The following COL18A1 variants were observed in gnomAD, a reference collection of about 807,000 sequenced individuals.
COL18A1 encodes the protein collagen type XVIII alpha 1 chain.
A neutral mutation model predicts 168.0 loss-of-function variants in COL18A1; 133 were observed. The ratio of observed to expected loss-of-function variants is 0.79; its 90% CI spans 0.69 to 0.91. COL18A1 has a LOEUF of 0.91. COL18A1 is among the 40% of genes least tolerant of loss of function. COL18A1 has a pLI of 0.00. For synonymous variants in COL18A1, 949 were observed against 809.0 expected, an observed-to-expected ratio of 1.17 and a Z score of -2.94; for missense variants, 2,126 against 1,925.4, an observed-to-expected ratio of 1.10 and a Z score of -1.95.
chr21:45,469,567 G>C (rs75607956), intron 3 of COL18A1, among the ~76,000 whole-genome samples: 4 of 152,164 alleles, frequency 2.6e-5, no homozygotes, highest in Non-Finnish European at 5.9e-5. Context: ...CTTGGGGTTG[G>C]GGGGGTGGAC....
rs573962665 is a variant in COL18A1 at position 45,408,791 on chromosome 21, G to T, written c.106+3318G>T. On this transcript the variant is annotated intron_variant, in intron 2 of 41. Coordinates refer to ENST00000651438, the MANE Select transcript of COL18A1 (RefSeq NM_001379500.1). Reference sequence around the variant, plus strand: ...CAGGAAGGAGACCCGGCTGGGTCTGGCTGTGGAGCGTATGTTGGAGACCCG... The same window carrying T: ...CAGGAAGGAGACCCGGCTGGGTCTGTCTGTGGAGCGTATGTTGGAGACCCG... Among the ~76,000 whole-genome samples, 49 of 152,304 alleles carry T rather than the reference G, an allele frequency of 3.2e-4. No individual in the cohort carries two copies. The South Asian group carries it at 3.3e-3, about 10-fold the overall frequency.
chr21:45,480,403 C>A (rs1243520447), intron 11 of COL18A1, 64 bp from the exon 12 acceptor site: 8 of 1,613,192 alleles, frequency 5.0e-6, no homozygotes, highest in Non-Finnish European at 6.8e-6. Flanking sequence ...GGGGCAGGGG[C>A]CAGGAGTAGG....
At chr21:45,439,632 T>C (rs2034313954) in intron 2 of COL18A1, among the ~76,000 whole-genome samples, 1 of 152,208 alleles carries the variant, frequency 6.6e-6, no homozygotes, top group Admixed American at 6.5e-5. Flanking sequence ...CTGGGCCAAG[T>C]CCTGTGCGCG....
intron 2 of COL18A1, among the ~76,000 whole-genome samples, chr21:45,412,964 G>C (rs1298087270): frequency 6.6e-6 from 1 of 152,254 alleles, no homozygotes; most frequent in African/African-American, 2.4e-5. Flanking sequence ...GCCACGGGCA[G>C]GCTGCTCACC....
rs147501513 is a variant in COL18A1 at position 45,471,255 on chromosome 21, G to A, written c.651+2469G>A. 7.9e-5 allele frequency among the ~76,000 whole-genome samples: 12 copies of A among 152,320 alleles called. No individual in the cohort carries two copies. The East Asian group carries it at 2.3e-3, about 29-fold the overall frequency. On this transcript the variant is annotated intron_variant, in intron 3 of 41. Coordinates refer to ENST00000651438, the MANE Select transcript of COL18A1 (RefSeq NM_001379500.1). The surrounding 1 kb of genome is among the most constrained non-coding windows in gnomAD (Gnocchi z 4.4). ...TGTGTCAGGTCCCTGCAGGCCTCAG[G>A]TGTCAGGAACTTTCTCTTTGGGTCT...
chr21:45,447,942 G>C (rs2034538207), intron 2 of COL18A1, among the ~76,000 whole-genome samples: 1 of 152,118 alleles, frequency 6.6e-6, no homozygotes, highest in South Asian at 2.1e-4. Flanking sequence ...AGCGTCTTCT[G>C]CCAGCCTCCT....
intron 27 of COL18A1, 92 bp downstream of exon 27, chr21:45,494,663 G>C (rs1475269515): frequency 1.9e-5 from 30 of 1,561,360 alleles, no homozygotes; most frequent in African/African-American, 2.7e-5. Flanking sequence ...TGTGCTGTGC[G>C]GCCCAGGGCT....
In COL18A1 at chr21:45,437,434, GCA is replaced by G. The variant is rs750461946; in HGVS notation, c.107-30798_107-30797del. ...CACTCAGACACACAGGCACTCTCCT[GCA>G]CACACACACTCACTCACAGACAGAC... On this transcript the variant is annotated intron_variant, in intron 2 of 41. Coordinates refer to ENST00000651438, the MANE Select transcript of COL18A1 (RefSeq NM_001379500.1). Among the ~76,000 whole-genome samples the G allele has an allele frequency of 7.3e-5, 5 of 68,564 alleles. 1 individual carries two copies. Among genetic ancestry groups the G allele is most frequent in the African/African-American group, 4.5e-4 (4 of 8,924 alleles). 45.0% of individuals were successfully genotyped at this position (68,564 alleles called of 152,430 possible).
chr21:45,504,621 G>A (rs1342897922), intron 34 of COL18A1, 65 bp downstream of exon 34: 1 of 1,444,688 alleles, frequency 6.9e-7, no homozygotes. Context: ...GCCGAGGGCA[G>A]GTCCAGCCCG....
At chr21:45,507,360 C>A in intron 37 of COL18A1, 1 of 652,048 alleles carries the variant, frequency 1.5e-6, no homozygotes, top group Non-Finnish European at 2.8e-6. Flanking sequence ...GGGCACCCTG[C>A]TGTGGACTGG....
chr21:45,491,680 T>C (rs1185606101), intron 22 of COL18A1, among the ~76,000 whole-genome samples: 3 of 152,158 alleles, frequency 2.0e-5, no homozygotes, highest in Non-Finnish European at 2.9e-5. Context: ...GCCCCTCTGG[T>C]GAAGGTTGTG....
At chr21:45,481,613 A>G (rs9975587) in intron 13 of COL18A1, among the ~76,000 whole-genome samples, 148,012 of 152,358 alleles carry the variant, frequency 0.97, 71,926 homozygotes, top group East Asian at 1. Flanking sequence ...TGCTCCCCAG[A>G]ATCCATTCTG....
rs988785487 is a variant in COL18A1 at position 45,498,585 on chromosome 21, C to T, written c.2683+924C>T. ...GGGAAGGGACCAGGCAGGCAGAGGC[C>T]GAGTCTGGGCCGGGACATCCTTAAG... On this transcript the variant is annotated intron_variant, in intron 32 of 41. Coordinates refer to ENST00000651438, the MANE Select transcript of COL18A1 (RefSeq NM_001379500.1). The surrounding 1 kb of genome is among the most constrained non-coding windows in gnomAD (Gnocchi z 4.5). 2.4e-5 allele frequency: 17 copies of T among 715,952 alleles called. 1 individual carries two copies. In the Middle Eastern group the frequency reaches 1.2e-3, roughly 49 times the overall value. 44.3% of individuals were successfully genotyped at this position (715,952 alleles called of 1,614,324 possible).
intron 17 of COL18A1, among the ~76,000 whole-genome samples, chr21:45,488,097 G>T (rs962063541): frequency 2.0e-5 from 3 of 152,210 alleles, no homozygotes; most frequent in Non-Finnish European, 2.9e-5. Flanking sequence ...AGCCCCCGGG[G>T]CCACAGCCCT....
chr21:45,511,305 TC>T (rs376168075), intron 41 of COL18A1, 79 bp downstream of exon 41: 1 of 755,834 alleles, frequency 1.3e-6, no homozygotes. Context: ...ATCTGCAGTT[TC>T]CCCCCGAGTT....
rs976640813 is a variant in COL18A1, at chr21:45,425,313, G to A, written c.106+19840G>A. Among the ~76,000 whole-genome samples, 5 of 152,208 alleles carry A rather than the reference G, an allele frequency of 3.3e-5. No individual in the cohort carries two copies. The South Asian group carries it at 6.2e-4, about 19-fold the overall frequency. On this transcript the variant is annotated intron_variant, in intron 2 of 41. Transcript: ENST00000651438. This position sits in a 1 kb window ranked among gnomAD's most constrained non-coding sequence, Gnocchi z 4.1. The stretch of plus-strand genomic sequence containing the variant: ...TGTGTGCTGTGAGTGCAGTGTGACC[G>A]CGTCCACCTGTCTCCCTGGACACGC...
intron 2 of COL18A1, among the ~76,000 whole-genome samples, chr21:45,415,934 C>T (rs1368852696): frequency 6.6e-6 from 1 of 152,176 alleles, no homozygotes; most frequent in East Asian, 1.9e-4. Context: ...GTGTGGGCCC[C>T]CGCTTATCCA....
chr21:45,441,930 G>A (rs1026724630), intron 2 of COL18A1, among the ~76,000 whole-genome samples: 48 of 152,356 alleles, frequency 3.2e-4, no homozygotes, highest in Admixed American at 7.8e-4. Flanking sequence ...GGGTCTCGGG[G>A]TCTCCCTGCC....
In COL18A1 at chr21:45,487,539, C is replaced by T. The variant is rs369625805; in HGVS notation, c.1896+30C>T. 390 of 1,611,196 alleles carry T rather than the reference C, an allele frequency of 2.4e-4. 3 individuals are homozygous for T. Among genetic ancestry groups the T allele is most frequent in the Non-Finnish European group, 1.0e-4 (122 of 1,179,882 alleles). On this transcript the variant is annotated intron_variant, in intron 17 of 41. Transcript: ENST00000651438. The stretch of plus-strand genomic sequence containing the variant: ...TGTTGTGAGCTGGGCGTGGCCGGCT[C>T]TGAGGGGTAAGGGGGTGTTGCCTGG...
Sources: gnomAD v4.1 joint callset for allele counts (sites outside exome capture counted in the v4.1 genomes callset) on GRCh38, gnomAD v4.1.1 for gene constraint, Gnocchi (gnomAD v3.1) non-coding constraint, MANE v1.5 for transcripts, NCBI Gene and HGNC (gene_info 2026-07-23, HGNC 2026-07-21) for gene names.